The following ARHGAP44 variants were observed in gnomAD, a reference collection of about 807,000 sequenced individuals.
ARHGAP44 encodes rho GTPase-activating protein 44.
In ARHGAP44, 43 loss-of-function variants were observed where a neutral mutation model predicts 106.8. The observed-to-expected ratio is 0.40, with a 90% CI of 0.32 to 0.52. The LOEUF (loss-of-function observed/expected upper bound fraction) is 0.52. Among genes scored for constraint, ARHGAP44 ranks in the 20% least tolerant of loss-of-function variants. ARHGAP44 has a pLI of 0.48. For synonymous variants in ARHGAP44, 439 were observed against 410.3 expected, an observed-to-expected ratio of 1.07 and a Z score of -0.85; for missense variants, 866 against 1,050.5, an observed-to-expected ratio of 0.82 and a Z score of 2.43.
intron 3 of ARHGAP44, among the ~76,000 whole-genome samples, chr17:12,903,532 T>G (rs1257089077): frequency 4.6e-5 from 7 of 152,040 alleles, no homozygotes; most frequent in Non-Finnish European, 1.0e-4. Context: ...AAAAAGATTT[T>G]GGGAGCTTTT....
In ARHGAP44 at chr17:12,958,624, C is replaced by A; in HGVS notation, c.1343-93C>A. 1 of 1,218,742 alleles carries A rather than the reference C, an allele frequency of 8.2e-7. No homozygotes were observed. The highest frequency in any genetic ancestry group is 1.2e-6 in the Non-Finnish European group (1 of 858,988). 75.5% of individuals were successfully genotyped at this position (1,218,742 alleles called of 1,614,324 possible). On this transcript the variant is annotated intron_variant, in intron 15 of 20. Coordinates refer to ENST00000379672, the MANE Select transcript of ARHGAP44 (RefSeq NM_014859.6). This position sits in a 1 kb window ranked among gnomAD's most constrained non-coding sequence, Gnocchi z 4.1. ...GATGAAATTTTCTAGGGATGACATA[C>A]GAGGGAGTGGGTGTCTGGACTCATT... is the stretch of plus-strand genomic sequence containing the variant.
At chr17:12,834,341 T>G (rs2035176131) in intron 1 of ARHGAP44, among the ~76,000 whole-genome samples, 1 of 152,170 alleles carries the variant, frequency 6.6e-6, no homozygotes, top group South Asian at 2.1e-4. Flanking sequence ...TACATTGGGT[T>G]TACATTCTCT....
At chr17:12,951,478 G>A (rs1410451397) in intron 12 of ARHGAP44, among the ~76,000 whole-genome samples, 1 of 152,174 alleles carries the variant, frequency 6.6e-6, no homozygotes, top group African/African-American at 2.4e-5. Flanking sequence ...TCCTTTGATG[G>A]AAACTGTCAC....
intron 1 of ARHGAP44, among the ~76,000 whole-genome samples, chr17:12,873,909 AT>A (rs1205400216): frequency 0.048 from 1,633 of 33,876 alleles, 25 homozygotes; most frequent in African/African-American, 0.11. Context: ...GTCTCAAAAA[AT>A]AAATAAATAA....
intron 1 of ARHGAP44, among the ~76,000 whole-genome samples, chr17:12,871,756 T>A (rs1369553073): frequency 6.6e-6 from 1 of 152,068 alleles, no homozygotes; most frequent in Non-Finnish European, 1.5e-5. Flanking sequence ...TCTCCTGAGA[T>A]CTGGTTGTTT....
chr17:12,919,963 T>C (rs1179170187), intron 6 of ARHGAP44, 132 bp downstream of exon 6: 2 of 677,448 alleles, frequency 3.0e-6, no homozygotes, highest in Non-Finnish European at 5.0e-6. Context: ...TACCAGGCAC[T>C]GGAGGTAGTC....
intron 1 of ARHGAP44, among the ~76,000 whole-genome samples, chr17:12,841,631 C>CAA (rs1567642349): frequency 9.4e-6 from 1 of 106,380 alleles, no homozygotes; most frequent in African/African-American, 3.8e-5. Flanking sequence ...CACACACACA[C>CAA]ACACACACAA....
At chr17:12,802,941 A>G (rs2034143919) in intron 1 of ARHGAP44, among the ~76,000 whole-genome samples, 3 of 10,220 alleles carry the variant, frequency 2.9e-4, no homozygotes, top group Admixed American at 1.0e-3. Flanking sequence ...ATATATATAT[A>G]TATATATATA....
intron 20 of ARHGAP44, chr17:12,985,207 G>A (rs1173343701): frequency 8.9e-6 from 3 of 336,208 alleles, no homozygotes; most frequent in Non-Finnish European, 1.6e-5. Flanking sequence ...CATTTGGAGT[G>A]GGGCCTCAGG....
At chr17:12,866,676 C>G (rs1196795880) in intron 1 of ARHGAP44, among the ~76,000 whole-genome samples, 1 of 152,254 alleles carries the variant, frequency 6.6e-6, no homozygotes, top group East Asian at 1.9e-4. Context: ...TTATTGGAAC[C>G]TGGGCTTGTA....
At chr17:12,862,399 C>T (rs1464581456) in intron 1 of ARHGAP44, among the ~76,000 whole-genome samples, 3 of 152,168 alleles carry the variant, frequency 2.0e-5, no homozygotes, top group Non-Finnish European at 2.9e-5. Context: ...GTGTCCTCCT[C>T]CTGAGTTGGT....
intron 1 of ARHGAP44, among the ~76,000 whole-genome samples, chr17:12,870,988 T>C (rs559467435): frequency 7.2e-5 from 11 of 152,314 alleles, no homozygotes; most frequent in African/African-American, 2.6e-4. Flanking sequence ...TTACTTTCTT[T>C]CCCGCCTTTC....
intron 18 of ARHGAP44, among the ~76,000 whole-genome samples, chr17:12,977,450 A>G (rs11078112): frequency 0.71 from 107,700 of 151,754 alleles, 38,594 homozygotes; most frequent in East Asian, 0.83. Context: ...CCCAGGCCCC[A>G]CCTTCAGTTC....
Position 12,986,758 on chromosome 17 carries a change from T to C in ARHGAP44, c.2317+1850T>C, listed in dbSNP as rs148444649. 647 of 182,110 alleles carry C rather than the reference T, an allele frequency of 3.6e-3. 7 individuals are homozygous for C. The highest frequency in any genetic ancestry group is 0.018 in the African/African-American group (627 of 35,238). The allele number at this position is 182,110 out of a possible 1,614,324, so 11.3% of individuals were successfully genotyped here. On this transcript the variant is annotated intron_variant, in intron 20 of 20. Transcript: ENST00000379672. ...GAAAAGAGCAGAAGGAGAGGAGAAA[T>C]TGGGGAACAAAAGTGGGCAACAGAA...
chr17:12,804,685 T>C (rs1345254624), intron 1 of ARHGAP44, among the ~76,000 whole-genome samples: 2 of 152,212 alleles, frequency 1.3e-5, no homozygotes, highest in Admixed American at 6.5e-5. Flanking sequence ...ACTTTGACCT[T>C]TGATTAAGCT....
At chr17:12,820,908 C>T (rs999976682) in intron 1 of ARHGAP44, among the ~76,000 whole-genome samples, 3 of 152,112 alleles carry the variant, frequency 2.0e-5, no homozygotes, top group Admixed American at 6.5e-5. Context: ...CTTTGAAGAC[C>T]ATATCTAAAA....
At chr17:12,881,733 G>T (rs2036743232) in intron 1 of ARHGAP44, among the ~76,000 whole-genome samples, 1 of 152,026 alleles carries the variant, frequency 6.6e-6, no homozygotes, top group African/African-American at 2.4e-5. Flanking sequence ...TCTCTCTGTT[G>T]CCCATGCTGG....
At chr17:12,815,437 A>G (rs751264056) in intron 1 of ARHGAP44, among the ~76,000 whole-genome samples, 1 of 152,214 alleles carries the variant, frequency 6.6e-6, no homozygotes, top group Admixed American at 6.5e-5. Context: ...AGCGTGAATA[A>G]TAGAATATAG....
chr17:12,869,015 A>G (rs1398109354), intron 1 of ARHGAP44, among the ~76,000 whole-genome samples: 1 of 152,132 alleles, frequency 6.6e-6, no homozygotes, highest in East Asian at 1.9e-4. Flanking sequence ...TATTTGGAGG[A>G]CACAAGAAAT....
Sources: gnomAD v4.1 joint callset for allele counts (sites outside exome capture counted in the v4.1 genomes callset) on GRCh38, gnomAD v4.1.1 for gene constraint, Gnocchi (gnomAD v3.1) non-coding constraint, MANE v1.5 for transcripts, NCBI Gene and HGNC (gene_info 2026-07-23, HGNC 2026-07-21) for gene names.